DOCK2: variants seen among roughly 807,000 people sequenced by gnomAD.
DOCK2 encodes the protein dedicator of cytokinesis protein 2.
A neutral mutation model predicts 248.9 loss-of-function variants in DOCK2; 87 were observed. The observed-to-expected ratio is 0.35, with a 90% CI of 0.29 to 0.42. DOCK2 has a LOEUF of 0.42. Among genes scored for constraint, DOCK2 ranks in the 10% least tolerant of loss-of-function variants. DOCK2 has a pLI of 1.00. For synonymous variants in DOCK2, 805 were observed against 821.6 expected (o/e 0.98, Z 0.35); for missense variants, 1,747 against 2,300.2 (o/e 0.76, Z 4.92).
intron 27 of DOCK2, among the ~76,000 whole-genome samples, chr5:169,964,022 T>C (rs999424234): frequency 4.0e-5 from 6 of 151,674 alleles, no homozygotes; most frequent in South Asian, 2.1e-4. Context: ...AGTGGCAGGA[T>C]TGGGGGAGGG....
At chr5:169,684,062 C>A in intron 7 of DOCK2, 134 bp from the exon 8 acceptor site, 3 of 1,029,772 alleles carry the variant, frequency 2.9e-6, no homozygotes, top group South Asian at 1.7e-5. Flanking sequence ...GTTACAGAAG[C>A]TTTTGATGGC....
intron 5 of DOCK2, 106 bp from the exon 6 acceptor site, chr5:169,674,191 C>T: frequency 1.4e-6 from 2 of 1,400,318 alleles, no homozygotes; most frequent in African/African-American, 1.4e-5. Context: ...GAGAGAGCCT[C>T]AGGCCATGGC....
intron 25 of DOCK2, among the ~76,000 whole-genome samples, chr5:169,780,065 G>C (rs1765613478): frequency 6.6e-6 from 1 of 152,078 alleles, no homozygotes; most frequent in African/African-American, 2.4e-5. Context: ...ATCTACTTTG[G>C]GGGTCATGTA....
chr5:169,925,327 G>A (rs376681056), intron 27 of DOCK2, among the ~76,000 whole-genome samples: 2 of 152,130 alleles, frequency 1.3e-5, no homozygotes. Flanking sequence ...CCTGGTAAGA[G>A]CATCGTCTTG....
chr5:169,891,728 T>A (rs1273911413), intron 27 of DOCK2, among the ~76,000 whole-genome samples: 18 of 152,082 alleles, frequency 1.2e-4, no homozygotes, highest in Admixed American at 1.1e-3. Context: ...TTCACACCCA[T>A]AATCCCAGCA....
At chr5:169,795,042 A>G (rs933359888) in intron 25 of DOCK2, among the ~76,000 whole-genome samples, 3 of 152,202 alleles carry the variant, frequency 2.0e-5, no homozygotes, top group African/African-American at 7.2e-5. Context: ...ACACATATAC[A>G]GTAACAGTTC....
Position 169,716,194 on chromosome 5 carries a change from C to G in DOCK2, c.1942-19C>G, listed in dbSNP as rs780066230. On this transcript the variant is annotated intron_variant, in intron 19 of 51. Coordinates refer to ENST00000520908, the MANE Select transcript of DOCK2 (RefSeq NM_004946.3). ...TTGTCTTGTTTCTGAAGTAGTGCAA[C>G]CTTTGTTATTTCTTCCAGTTTCTCC... 1.2e-6 allele frequency: 2 copies of G among 1,611,360 alleles called. No individual in the cohort carries two copies. The highest frequency in any genetic ancestry group is 3.3e-5 in the Admixed American group (2 of 59,964).
intron 27 of DOCK2, among the ~76,000 whole-genome samples, chr5:169,956,057 C>G (rs1210488309): frequency 1.3e-5 from 2 of 150,858 alleles, no homozygotes; most frequent in Non-Finnish European, 2.9e-5. Flanking sequence ...AAAAAAAGAG[C>G]CCAGGCTTGG....
chr5:169,966,266 C>T (rs1337119129), intron 27 of DOCK2, among the ~76,000 whole-genome samples: 1 of 151,690 alleles, frequency 6.6e-6, no homozygotes, highest in East Asian at 1.9e-4. Flanking sequence ...AAATGGGCTG[C>T]AAATGTGTAC....
intron 27 of DOCK2, among the ~76,000 whole-genome samples, chr5:169,895,298 C>G (rs1773531666): frequency 6.6e-6 from 1 of 152,222 alleles, no homozygotes; most frequent in Non-Finnish European, 1.5e-5. Flanking sequence ...TCTCCCTCCT[C>G]CTTCCCTCTC....
intron 26 of DOCK2, among the ~76,000 whole-genome samples, chr5:169,804,778 T>A (rs930595894): frequency 6.6e-6 from 1 of 152,190 alleles, no homozygotes; most frequent in Non-Finnish European, 1.5e-5. Flanking sequence ...CACAGGTCAG[T>A]CTGATTCAGA....
Position 170,082,886 on chromosome 5 carries a change from G to T in DOCK2, c.*28G>T, listed in dbSNP as rs2113882326. Reference sequence around the variant, plus strand: ...TGCTGCTGACTAGGGCTGCATGGGAGAGCCAGGGAGGGGAGTTTCTGGAAG... The same window carrying T: ...TGCTGCTGACTAGGGCTGCATGGGATAGCCAGGGAGGGGAGTTTCTGGAAG... On this transcript the variant is annotated 3_prime_UTR_variant, in exon 52 of 52. Coordinates refer to ENST00000520908, the MANE Select transcript of DOCK2 (RefSeq NM_004946.3). 1.2e-6 allele frequency: 2 copies of T among 1,614,118 alleles called. No homozygotes were observed.
Position 169,660,229 on chromosome 5 carries a change from A to C in DOCK2, c.127+5743A>C, listed in dbSNP as rs1333478351. 2.6e-5 allele frequency among the ~76,000 whole-genome samples: 4 copies of C among 152,178 alleles called. No individual in the cohort carries two copies. In the East Asian group the frequency reaches 7.7e-4, roughly 29 times the overall value. On this transcript the variant is annotated intron_variant, in intron 2 of 51. Transcript: ENST00000520908. ...CTAAGGCAACAACTTCCTACCTCCA[A>C]AGGCTGACGTGAGAGAATTGCTTGA...
intron 22 of DOCK2, among the ~76,000 whole-genome samples, chr5:169,724,293 CA>C (rs972963471): frequency 4.6e-5 from 7 of 152,142 alleles, no homozygotes; most frequent in Non-Finnish European, 1.0e-4. Flanking sequence ...ACAACAACAA[CA>C]AGATGAGCTG....
intron 46 of DOCK2, among the ~76,000 whole-genome samples, chr5:170,072,924 A>G (rs1271815909): frequency 6.6e-6 from 1 of 152,192 alleles, no homozygotes; most frequent in Non-Finnish European, 1.5e-5. Flanking sequence ...CTTCTGTCAA[A>G]TATATGTATT....
chr5:169,866,481 C>T (rs1010306537), intron 27 of DOCK2, among the ~76,000 whole-genome samples: 1 of 152,192 alleles, frequency 6.6e-6, no homozygotes, highest in Non-Finnish European at 1.5e-5. Context: ...ATATACAACA[C>T]GCAGCATAGA....
chr5:169,840,632 G>T, intron 26 of DOCK2, 125 bp from the exon 27 acceptor site: 1 of 711,316 alleles, frequency 1.4e-6, no homozygotes, highest in Non-Finnish European at 2.5e-6. Context: ...GATGGCAGTA[G>T]TGGTGGTGGT....
chr5:169,671,546 A>T (rs1242061155), intron 5 of DOCK2, among the ~76,000 whole-genome samples: 1 of 152,238 alleles, frequency 6.6e-6, no homozygotes, highest in Non-Finnish European at 1.5e-5. Context: ...CTGATAACAC[A>T]TTGAGAAATA....
At chr5:170,069,756 G>A (rs967302912) in intron 46 of DOCK2, among the ~76,000 whole-genome samples, 3 of 152,132 alleles carry the variant, frequency 2.0e-5, no homozygotes, top group South Asian at 2.1e-4. Context: ...CTCAGCCCAC[G>A]GGCTTAGAAG....
Sources: gnomAD v4.1 joint callset for allele counts (sites outside exome capture counted in the v4.1 genomes callset) on GRCh38, gnomAD v4.1.1 for gene constraint, MANE v1.5 for transcripts, NCBI Gene and HGNC (gene_info 2026-07-23, HGNC 2026-07-21) for gene names.